The following KLHL17 variants were observed in gnomAD, a reference collection of about 807,000 sequenced individuals.
The protein encoded by KLHL17 is kelch like family member 17.
Under a neutral mutation model 64.6 loss-of-function variants are expected in KLHL17, and 71 were observed. The ratio of observed to expected loss-of-function variants is 1.10; its 90% CI spans 0.91 to 1.34. The LOEUF (loss-of-function observed/expected upper bound fraction) is 1.34. Among genes scored for constraint, KLHL17 ranks in the 40% most tolerant of loss-of-function variants. The probability of loss-of-function intolerance (pLI) is 0.00; values close to 1 mark genes in which losing one functional copy is unlikely to be tolerated. For missense variants in KLHL17, 1,140 were observed against 935.0 expected (o/e 1.22, Z -2.86); for synonymous variants, 612 against 405.4 (o/e 1.51, Z -6.12).
rs1367869656 is a variant in KLHL17 at position 960,816 on chromosome 1, T to G, written c.107+16T>G. ...AGCCGCCGGCGTGAGTGGGCGGGGGTCGGGGCGCGGGGGGCGGCCTCGGGA... is the reference window on the plus strand; with the variant it reads ...AGCCGCCGGCGTGAGTGGGCGGGGGGCGGGGCGCGGGGGGCGGCCTCGGGA... On this transcript the variant is annotated intron_variant, in intron 1 of 11. Coordinates refer to ENST00000338591, the MANE Select transcript of KLHL17 (RefSeq NM_198317.3). 25 of 999,918 alleles carry G rather than the reference T, an allele frequency of 2.5e-5. No homozygotes were observed. The highest frequency in any genetic ancestry group is 2.7e-5 in the Non-Finnish European group (23 of 839,472). The allele number at this position is 999,918 out of a possible 1,614,324, so 61.9% of individuals were successfully genotyped here. A position where few individuals can be genotyped will look rare whatever the true frequency, so the allele number is the denominator to read the frequency against.
intron 4 of KLHL17, 81 bp from the exon 5 acceptor site, chr1:962,274 C>T (rs547410956): frequency 2.7e-5 from 43 of 1,605,006 alleles, no homozygotes; most frequent in South Asian, 2.3e-4. Context: ...ACCTGCTAAC[C>T]CTCCCTCCTA....
At chr1:962,095 A>T (rs1264995582) in intron 4 of KLHL17, 48 bp downstream of exon 4, 3 of 784,994 alleles carry the variant, frequency 3.8e-6, no homozygotes, top group Non-Finnish European at 4.7e-6. Flanking sequence ...ACCCCACCCC[A>T]GTCTTTGTCT....
chr1:962,470 G>T lies in KLHL17; in HGVS notation c.827G>T (p.Arg276Leu). 5 of 1,612,364 alleles carry T rather than the reference G, an allele frequency of 3.1e-6. No individual in the cohort carries two copies. Among genetic ancestry groups the T allele is most frequent in the Non-Finnish European group, 4.2e-6 (5 of 1,179,786 alleles). Residue 276 changes from arginine to leucine, a missense_variant and splice_region_variant, in exon 5 of 12, where the codon CGG becomes CTG. Coordinates refer to ENST00000338591, the MANE Select transcript of KLHL17 (RefSeq NM_198317.3). ...DVDARRQHVP[R>L]LMKCVRLPLL... ...GACGCCCGCAGGCAGCATGTCCCAC[G>T]GGTGAGGCGCGGCCGCGGGGGGCTC...
At position 961,744 on chromosome 1, in the gene KLHL17, T is replaced by C. The variant is rs375705288; in HGVS notation, c.483T>C (p.Asn161=). Residue 161 remains asparagine, a synonymous_variant, in exon 3 of 12, where the codon AAT becomes AAC. Coordinates refer to ENST00000338591, the MANE Select transcript of KLHL17 (RefSeq NM_198317.3). ...YTAEIVVGEG[N]VQTLLPAASL... ...CTGAGATTGTGGTGGGCGAGGGCAA[T>C]GTGCAGGTGAGGGCTCCCTCACCCG... 36 of 1,611,910 alleles carry C rather than the reference T, an allele frequency of 2.2e-5. No homozygotes were observed. The highest frequency in any genetic ancestry group is 3.0e-5 in the Non-Finnish European group (35 of 1,179,532).
intron 1 of KLHL17, 93 bp from the exon 2 acceptor site, chr1:961,200 C>T (rs1208237828): frequency 1.3e-5 from 13 of 977,078 alleles, no homozygotes; most frequent in Non-Finnish European, 1.5e-5. Context: ...GCACCAGGGG[C>T]TGGGTCCCCG....
At chr1:960,981 C>G (rs1322636643) in intron 1 of KLHL17, 181 bp downstream of exon 1, 1 of 321,976 alleles carries the variant, frequency 3.1e-6, no homozygotes, top group Non-Finnish European at 4.5e-6. Flanking sequence ...GCCCAGGACG[C>G]GACTCCCGCT....
Position 963,485 on chromosome 1 carries a change from G to A in KLHL17, c.1336G>A (p.Gly446Arg). Residue 446 changes from glycine to arginine, a missense_variant, in exon 8 of 12, where the codon GGG becomes AGG. By Grantham distance (125) the Gly-to-Arg change is moderately radical. Coordinates refer to ENST00000338591, the MANE Select transcript of KLHL17 (RefSeq NM_198317.3). ...GLLYSAGGYDGASCLNSAERY... is the reference protein window; with the variant it reads ...GLLYSAGGYDRASCLNSAERY... ...CCTGTACTCGGCCGGCGGCTATGAC[G>A]GGGCCTCCTGCCTGAACAGGTAGTT... 3.1e-6 allele frequency: 5 copies of A among 1,609,438 alleles called. No individual in the cohort carries two copies. The highest frequency in any genetic ancestry group is 1.1e-5 in the South Asian group (1 of 90,896).
rs199659768 is a variant in KLHL17 at position 962,766 on chromosome 1, C to T, written c.891C>T (p.Ala297=). 7.4e-5 allele frequency: 120 copies of T among 1,611,160 alleles called. No homozygotes were observed. Among genetic ancestry groups the T allele is most frequent in the Admixed American group, 3.8e-4 (23 of 59,954 alleles). The change falls in exon 6 of 12, where the codon GCC becomes GCT. Residue 297 remains alanine, a synonymous_variant. Transcript: ENST00000338591. The part of the protein sequence containing the change: ...SRDFLLGHVD[A]ESLVRHHPDC... ...ACTTCCTGCTGGGCCACGTGGATGC[C>T]GAGAGCCTGGTGAGGCACCACCCTG...
At chr1:963,585 T>G in intron 8 of KLHL17, 81 bp downstream of exon 8, 1 of 1,453,616 alleles carries the variant, frequency 6.9e-7, no homozygotes. Flanking sequence ...AGGGGTCGTA[T>G]CTGATGGGGT....
intron 1 of KLHL17, 112 bp from the exon 2 acceptor site, chr1:961,181 G>GC (rs1372489577): frequency 2.6e-6 from 2 of 758,916 alleles, no homozygotes; most frequent in East Asian, 1.0e-4. Context: ...GGCTGCCGGC[G>GC]CCCCCGTCGC....
At position 964,491 on chromosome 1, in the gene KLHL17, C is replaced by T. The variant is rs1234288707; in HGVS notation, c.1661C>T (p.Ala554Val). 3 of 1,530,428 alleles carry T rather than the reference C, an allele frequency of 2.0e-6. No homozygotes were observed. Among genetic ancestry groups the T allele is most frequent in the East Asian group, 2.5e-5 (1 of 40,610 alleles). The allele number at this position is 1,530,428 out of a possible 1,614,324, so 94.8% of individuals were successfully genotyped here. ...TCGGTAGAGAGATACAGTCCAAAGG[C>T]TGGAGCCTGGGAAAGCGTGGCGCCC... ...LNSVERYSPK[A>V]GAWESVAPMN... The change falls in exon 11 of 12, where the codon GCT becomes GTT. Residue 554 changes from alanine to valine, a missense_variant. Ala to Val is a moderately conservative substitution (Grantham distance 64). Transcript: ENST00000338591.
In KLHL17 at chr1:961,623, C is replaced by T. The variant is rs1363454986; in HGVS notation, c.368-6C>T. On this transcript the variant is annotated splice_polypyrimidine_tract_variant and splice_region_variant and intron_variant, in intron 2 of 11. Coordinates refer to ENST00000338591, the MANE Select transcript of KLHL17 (RefSeq NM_198317.3). ...GGTCAGCTCGTGTAACCCGCTGTCC[C>T]CGCAGATGAGATGAGCGAGAGCCGC... 5.0e-6 allele frequency: 8 copies of T among 1,612,792 alleles called. No individual in the cohort carries two copies. Among genetic ancestry groups the T allele is most frequent in the Non-Finnish European group, 6.8e-6 (8 of 1,179,954 alleles).
At position 961,520 on chromosome 1, in the gene KLHL17, C is replaced by T. The variant is rs769456718; in HGVS notation, c.335C>T (p.Ser112Phe). 14 of 1,612,494 alleles carry T rather than the reference C, an allele frequency of 8.7e-6. No homozygotes were observed. Among genetic ancestry groups the T allele is most frequent in the East Asian group, 6.7e-5 (3 of 44,898 alleles). The change falls in exon 2 of 12, where the codon TCC (serine) becomes TTC (phenylalanine). Residue 112 changes from serine to phenylalanine, a missense_variant. Physicochemically the swap from Ser to Phe is radical, Grantham distance 155. Transcript: ENST00000338591. ...EIRAHKVVLA[S>F]CSPYFHAMFT... ...CGTGCGCACAAAGTGGTGCTGGCCT[C>T]CTGCAGCCCCTACTTCCACGCCATG...
At position 965,132 on chromosome 1, in the gene KLHL17, C is replaced by G; in HGVS notation, c.1870C>G (p.Leu624Val). 6.2e-7 allele frequency: 1 copy of G among 1,612,580 alleles called. No individual in the cohort carries two copies. The highest frequency in any genetic ancestry group is 1.3e-5 in the African/African-American group (1 of 74,960). ...CAGTGTGGGTGTGGCGGTGCTGGAG[C>G]TGCTCAATTTCCCGCCGCCATCCTC... The part of the protein sequence containing the change: ...RSSVGVAVLE[L>V]LNFPPPSSPT... The change falls in exon 12 of 12, where the codon CTG (leucine) becomes GTG (valine). Residue 624 changes from leucine (L) to valine (V), a missense_variant. Transcript: ENST00000338591.
In KLHL17 at chr1:960,685, G is replaced by GGCAGCCGAAT; in HGVS notation, c.-2_8dup. On this transcript the variant is annotated 5_prime_UTR_variant, in exon 1 of 12. In the 5' UTR this introduces an upstream ATG that the reference lacks. Coordinates refer to ENST00000338591, the MANE Select transcript of KLHL17 (RefSeq NM_198317.3). Reference sequence around the variant, plus strand: ...TCCTCCGCGAATCGGCGGTGGGTCCGGCAGCCGAATGCAGCCCCGCAGCGA... The same window carrying GGCAGCCGAAT: ...TCCTCCGCGAATCGGCGGTGGGTCCGGCAGCCGAATGCAGCCGAATGCAGCCCCGCAGCGA... 7.3e-7 allele frequency: 1 copy of GGCAGCCGAAT among 1,376,816 alleles called. No individual in the cohort carries two copies. Among genetic ancestry groups the GGCAGCCGAAT allele is most frequent in the Non-Finnish European group, 9.4e-7 (1 of 1,058,884 alleles). 85.3% of individuals were successfully genotyped at this position (1,376,816 alleles called of 1,614,324 possible).
chr1:965,171 G>C lies in KLHL17; in HGVS notation c.1909G>C (p.Val637Leu). The C allele has an allele frequency of 1.2e-6, 2 of 1,612,086 alleles. No homozygotes were observed. Among genetic ancestry groups the C allele is most frequent in the Non-Finnish European group, 1.7e-6 (2 of 1,179,710 alleles). The stretch of plus-strand genomic sequence containing the variant: ...GCCGCCATCCTCCCCGACGCTGTCC[G>C]TGTCCTCCACCAGCCTCTGACCCAC... ...FPPPSSPTLS[V>L]SSTSL Residue 637 changes from valine (V) to leucine (L), a missense_variant, in exon 12 of 12, where the codon GTG (valine) becomes CTG (leucine). By Grantham distance (32) the Val-to-Leu change is conservative. Coordinates refer to ENST00000338591, the MANE Select transcript of KLHL17 (RefSeq NM_198317.3).
intron 1 of KLHL17, 141 bp from the exon 2 acceptor site, chr1:961,152 T>G (rs1273866559): frequency 6.0e-6 from 3 of 500,636 alleles, no homozygotes; most frequent in African/African-American, 2.1e-5. Flanking sequence ...GCGGGGGTCC[T>G]TGGCGGAGGT....
At chr1:964,938 G>A in intron 11 of KLHL17, 25 bp from the exon 12 acceptor site, 1 of 1,547,456 alleles carries the variant, frequency 6.5e-7, no homozygotes, top group Non-Finnish European at 8.8e-7. Flanking sequence ...CCTGCAGCCA[G>A]GGGCTCACCC....
Position 963,417 on chromosome 1 carries a change from G to A in KLHL17, c.1268G>A (p.Gly423Asp), listed in dbSNP as rs1284602277. ...TNTWQPEVSM[G>D]TRRSCLGVAA... Reference sequence around the variant, plus strand: ...ACGTGGCAGCCGGAGGTGTCCATGGGCACAAGGCGAAGCTGCCTGGGTGTG... The same window carrying A: ...ACGTGGCAGCCGGAGGTGTCCATGGACACAAGGCGAAGCTGCCTGGGTGTG... Residue 423 changes from glycine to aspartate, a missense_variant, in exon 8 of 12, where the codon GGC (glycine) becomes GAC (aspartate). Gly to Asp is a moderately conservative substitution (Grantham distance 94). Coordinates refer to ENST00000338591, the MANE Select transcript of KLHL17 (RefSeq NM_198317.3). 2 of 1,612,544 alleles carry A rather than the reference G, an allele frequency of 1.2e-6. No individual in the cohort carries two copies. Among genetic ancestry groups the A allele is most frequent in the Non-Finnish European group, 1.7e-6 (2 of 1,179,870 alleles).
Sources: allele counts gnomAD v4.1 joint callset, GRCh38; gene constraint gnomAD v4.1.1; transcripts MANE v1.5; gene names NCBI Gene and HGNC (gene_info 2026-07-23, HGNC 2026-07-21).